The following UBR3 variants were observed in gnomAD, a reference collection of about 807,000 sequenced individuals.
UBR3 encodes E3 ubiquitin-protein ligase UBR3.
A neutral mutation model predicts 243.2 loss-of-function variants in UBR3; 85 were observed. That is an observed-to-expected ratio of 0.35 (90% CI 0.29 to 0.42). The LOEUF (loss-of-function observed/expected upper bound fraction) is 0.42. Ranked by LOEUF, UBR3 falls within the 10% of genes least tolerant of loss-of-function variation. The pLI is 1.00. For missense variants in UBR3, 1,686 were observed against 2,300.8 expected (o/e 0.73, Z 5.47); for synonymous variants, 748 against 799.8 (o/e 0.94, Z 1.09).
intron 5 of UBR3, among the ~76,000 whole-genome samples, chr2:169,883,357 T>G (rs183769643): frequency 1.2e-4 from 19 of 152,302 alleles, no homozygotes; most frequent in South Asian, 6.2e-4. Context: ...AGTAGTGACT[T>G]ACTTCTCCCA....
At chr2:170,038,132 C>T (rs1480330027) in intron 31 of UBR3, among the ~76,000 whole-genome samples, 3 of 152,090 alleles carry the variant, frequency 2.0e-5, no homozygotes, top group Non-Finnish European at 4.4e-5. Flanking sequence ...TTTGGGAATG[C>T]TTTTCTTTTC....
At chr2:169,979,681 A>G (rs1224960921) in intron 24 of UBR3, among the ~76,000 whole-genome samples, 1 of 152,234 alleles carries the variant, frequency 6.6e-6, no homozygotes, top group Non-Finnish European at 1.5e-5. Context: ...TTCCAGTTAT[A>G]TGACATTCTG....
At chr2:169,951,318 T>C (rs1452021345) in intron 23 of UBR3, among the ~76,000 whole-genome samples, 1 of 152,194 alleles carries the variant, frequency 6.6e-6, no homozygotes, top group Admixed American at 6.5e-5. Context: ...TAAAATTAAA[T>C]ATAGGCAGTT....
chr2:169,956,587 G>A (rs926775857), intron 23 of UBR3, among the ~76,000 whole-genome samples: 1 of 152,044 alleles, frequency 6.6e-6, no homozygotes, highest in Non-Finnish European at 1.5e-5. Context: ...ATAATAAGGC[G>A]AGTTTTTTAT....
At chr2:170,074,327 G>A (rs1419453038) in intron 36 of UBR3, among the ~76,000 whole-genome samples, 1 of 152,146 alleles carries the variant, frequency 6.6e-6, no homozygotes, top group Non-Finnish European at 1.5e-5. Context: ...GTGACCAGAT[G>A]TACATGACTT....
At chr2:170,070,142 A>G (rs958497391) in intron 35 of UBR3, among the ~76,000 whole-genome samples, 1 of 152,184 alleles carries the variant, frequency 6.6e-6, no homozygotes, top group East Asian at 1.9e-4. Flanking sequence ...CTAATGCTGC[A>G]TTGAACATGG....
Position 169,827,539 on chromosome 2 carries a change from G to A in UBR3, c.32G>A (p.Gly11Asp), listed in dbSNP as rs970114274. The change falls in exon 1 of 39, where the codon GGC becomes GAC. Residue 11 changes from glycine (G) to aspartate (D), a missense_variant. Physicochemically the swap from Gly to Asp is moderately conservative, Grantham distance 94. Around this residue, in one of 8 missense-constraint regions of UBR3, gnomAD observed 79 missense variants for 73.2 expected, o/e 1.08. Coordinates refer to ENST00000272793, the MANE Select transcript of UBR3 (RefSeq NM_172070.4). MAAAAAAAVG[G>D]QQPSQPELPA... ...GCGGCGGCCGCGGCGGCCGTCGGGG[G>A]CCAGCAGCCGTCACAGCCCGAGCTG... The A allele has an allele frequency of 4.9e-6, 6 of 1,232,742 alleles. No homozygotes were observed. The Admixed American group carries it at 1.7e-4, about 35-fold the overall frequency. 76.4% of individuals were successfully genotyped at this position (1,232,742 alleles called of 1,614,324 possible).
At position 169,827,643 on chromosome 2, in the gene UBR3, G is replaced by T; in HGVS notation, c.136G>T (p.Ala46Ser). The part of the protein sequence containing the change: ...KAALSRPDNR[A>S]GAEELQALLE... ...GGCCCTCAGCCGGCCGGACAACCGC[G>T]CAGGTGCTGAGGAGCTGCAGGCGCT... is the stretch of plus-strand genomic sequence containing the variant. Residue 46 changes from alanine to serine, a missense_variant, in exon 1 of 39, where the codon GCA becomes TCA. Physicochemically the swap from Ala to Ser is moderately conservative, Grantham distance 99. Transcript: ENST00000272793. 7.9e-7 allele frequency: 1 copy of T among 1,262,330 alleles called. No individual in the cohort carries two copies. The highest frequency in any genetic ancestry group is 1.0e-6 in the Non-Finnish European group (1 of 1,003,594). The allele number at this position is 1,262,330 out of a possible 1,614,324, so 78.2% of individuals were successfully genotyped here. A position where few individuals can be genotyped will look rare whatever the true frequency, so the allele number is the denominator to read the frequency against.
rs1451117970 is a variant in UBR3 at position 169,842,264 on chromosome 2, G to A, written c.545+14212G>A. ...TCTCGTGGGGCCTTGGAGAACCTGT[G>A]TGTCGAAACTCTGTATCTAACTAAT... On this transcript the variant is annotated intron_variant, in intron 1 of 38. Coordinates refer to ENST00000272793, the MANE Select transcript of UBR3 (RefSeq NM_172070.4). 4.6e-5 allele frequency among the ~76,000 whole-genome samples: 7 copies of A among 152,038 alleles called. No individual in the cohort carries two copies. In the South Asian group the frequency reaches 6.2e-4, roughly 14 times the overall value.
intron 24 of UBR3, among the ~76,000 whole-genome samples, chr2:169,982,079 T>G (rs986959841): frequency 1.2e-4 from 18 of 152,216 alleles, no homozygotes; most frequent in African/African-American, 3.6e-4. Context: ...ACTTCTCAGT[T>G]GTTTTTAAAA....
intron 6 of UBR3, among the ~76,000 whole-genome samples, chr2:169,892,846 C>G (rs2084427468): frequency 6.6e-6 from 1 of 152,152 alleles, no homozygotes; most frequent in Admixed American, 6.5e-5. Flanking sequence ...GGTGAGGAAA[C>G]TGAGGCCTTG....
At chr2:169,896,811 C>G (rs2105328203) in intron 8 of UBR3, 76 bp downstream of exon 8, 1 of 992,936 alleles carries the variant, frequency 1.0e-6, no homozygotes, top group Non-Finnish European at 1.4e-6. Context: ...ACTTCATATA[C>G]TTAGTAATAT....
chr2:169,842,870 A>C (rs2082346212), intron 1 of UBR3, among the ~76,000 whole-genome samples: 1 of 152,244 alleles, frequency 6.6e-6, no homozygotes, highest in African/African-American at 2.4e-5. Context: ...ACATGGGTAC[A>C]ATTCAGCCAA....
At chr2:170,012,987 C>A (rs998185993) in intron 29 of UBR3, among the ~76,000 whole-genome samples, 1 of 152,066 alleles carries the variant, frequency 6.6e-6, no homozygotes, top group African/African-American at 2.4e-5. Flanking sequence ...TTTAAACAGT[C>A]TTTCTCATCA....
chr2:169,964,408 A>G (rs2087716560), intron 24 of UBR3: 1 of 470,334 alleles, frequency 2.1e-6, no homozygotes, highest in Non-Finnish European at 4.4e-6. Context: ...CAAAACAAAA[A>G]CAATTTTCTG....
intron 5 of UBR3, among the ~76,000 whole-genome samples, chr2:169,886,744 A>G (rs2084116980): frequency 6.6e-6 from 1 of 152,188 alleles, no homozygotes; most frequent in Admixed American, 6.5e-5. Context: ...GGTCAAACAA[A>G]ATGCCCAACA....
At chr2:169,987,442 T>A (rs1415911533) in intron 25 of UBR3, among the ~76,000 whole-genome samples, 1 of 150,660 alleles carries the variant, frequency 6.6e-6, no homozygotes, top group Non-Finnish European at 1.5e-5. Flanking sequence ...TTCTAAAATC[T>A]GGGAAACTCC....
At chr2:170,023,695 C>G (rs994297571) in intron 30 of UBR3, among the ~76,000 whole-genome samples, 1 of 152,130 alleles carries the variant, frequency 6.6e-6, no homozygotes. Context: ...CGGATTCAAG[C>G]GATTCTCCTG....
intron 6 of UBR3, among the ~76,000 whole-genome samples, 169 bp from the exon 7 acceptor site, chr2:169,895,012 T>G (rs1275539556): frequency 6.6e-6 from 1 of 152,220 alleles, no homozygotes; most frequent in Non-Finnish European, 1.5e-5. Flanking sequence ...TTTTCTTATT[T>G]ATATACTGTG....
Sources: gnomAD v4.1 joint callset for allele counts (sites outside exome capture counted in the v4.1 genomes callset) on GRCh38, gnomAD v4.1.1 for gene constraint, gnomAD v4.1.1 regional missense constraint, MANE v1.5 for transcripts, NCBI Gene and HGNC (gene_info 2026-07-23, HGNC 2026-07-21) for gene names.